Variants in L3MBTL4 observed in about 807,000 individuals in gnomAD.
L3MBTL4 encodes lethal(3)malignant brain tumor-like protein 4.
Under a neutral mutation model 84.5 loss-of-function variants are expected in L3MBTL4, and 70 were observed. That is an observed-to-expected ratio of 0.83 (90% CI 0.68 to 1.01). L3MBTL4 has a LOEUF of 1.01. Among genes scored for constraint, L3MBTL4 ranks in the 50% least tolerant of loss-of-function variants. The pLI, the probability that L3MBTL4 is intolerant of heterozygous loss-of-function variation, is 0.00. For missense variants in L3MBTL4, 715 were observed against 754.8 expected, an observed-to-expected ratio of 0.95 and a Z score of 0.62; for synonymous variants, 274 against 259.8, an observed-to-expected ratio of 1.05 and a Z score of -0.52.
intron 16 of L3MBTL4, among the ~76,000 whole-genome samples, chr18:6,045,022 TC>T (rs2056554795): frequency 6.6e-6 from 1 of 152,206 alleles, no homozygotes; most frequent in African/African-American, 2.4e-5. Context: ...AAGCCTTGCA[TC>T]CTTTTTTCCT....
Position 6,000,251 on chromosome 18 carries a change from A to G in L3MBTL4, c.1445-30689T>C, listed in dbSNP as rs74741386. Among the ~76,000 whole-genome samples, 80 of 152,340 alleles carry G rather than the reference A, an allele frequency of 5.3e-4. No homozygotes were observed. In the East Asian group the frequency reaches 0.014, roughly 26 times the overall value. The stretch of plus-strand genomic sequence containing the variant: ...GATGAAAGAGTGATCAGACATTCTG[A>G]CATGTTTGGAAACACAAAATAAAGC... On this transcript the variant is annotated intron_variant, in intron 16 of 18. Transcript: ENST00000317931.
chr18:6,020,453 A>T (rs1785237), intron 16 of L3MBTL4, among the ~76,000 whole-genome samples: 120,736 of 152,090 alleles, frequency 0.79, 48,268 homozygotes, highest in Admixed American at 0.85. Context: ...ATTCTGAGGC[A>T]GCTGGAGAGG....
intron 16 of L3MBTL4, among the ~76,000 whole-genome samples, chr18:6,053,044 C>A (rs1465880211): frequency 1.3e-5 from 2 of 152,328 alleles, no homozygotes; most frequent in East Asian, 3.9e-4. Context: ...TGATTATCAA[C>A]CAGTCCTTGT....
chr18:6,039,021 C>G (rs1446517846), intron 16 of L3MBTL4, among the ~76,000 whole-genome samples: 1 of 151,944 alleles, frequency 6.6e-6, no homozygotes, highest in Admixed American at 6.6e-5. Context: ...CCCCCAACCT[C>G]CCTTCCTCCC....
At chr18:6,003,072 AGAGATAC>A (rs2054293235) in intron 16 of L3MBTL4, among the ~76,000 whole-genome samples, 1 of 110,486 alleles carries the variant, frequency 9.1e-6, no homozygotes, top group Non-Finnish European at 1.8e-5. Context: ...CTCTATTTAT[AGAGATAC>A]TATATAAAAT....
At chr18:6,099,584 A>AT (rs1412679104) in intron 14 of L3MBTL4, among the ~76,000 whole-genome samples, 6 of 53,114 alleles carry the variant, frequency 1.1e-4, no homozygotes, top group East Asian at 5.2e-4. Flanking sequence ...TAGATAATGT[A>AT]AATATATATA....
intron 16 of L3MBTL4, among the ~76,000 whole-genome samples, chr18:6,048,231 A>C (rs974118913): frequency 6.6e-6 from 1 of 152,212 alleles, no homozygotes; most frequent in Admixed American, 6.5e-5. Flanking sequence ...AGGAAATCAT[A>C]CATGATATAA....
rs2045322510 is a variant in L3MBTL4, at chr18:6,195,252, AC to A, written c.981+17896del. On this transcript the variant is annotated intron_variant, in intron 12 of 18. Transcript: ENST00000317931. ...CAGTAACCAGGGTCTGTCCTGGCAAACCTACATGAGCCATGTTCTGGAGGAG... is the reference window on the plus strand; with the variant it reads ...CAGTAACCAGGGTCTGTCCTGGCAAACTACATGAGCCATGTTCTGGAGGAG... Among the ~76,000 whole-genome samples the A allele has an allele frequency of 3.3e-5, 5 of 152,130 alleles. No individual in the cohort carries two copies. The South Asian group carries it at 1.0e-3, about 32-fold the overall frequency.
At chr18:6,107,784 T>C (rs573481957) in intron 14 of L3MBTL4, among the ~76,000 whole-genome samples, 1 of 152,302 alleles carries the variant, frequency 6.6e-6, no homozygotes, top group East Asian at 1.9e-4. Flanking sequence ...AGCAGATGCC[T>C]GTGGCTGAAG....
At chr18:6,016,075 G>A (rs2054963735) in intron 16 of L3MBTL4, among the ~76,000 whole-genome samples, 1 of 152,228 alleles carries the variant, frequency 6.6e-6, no homozygotes, top group Non-Finnish European at 1.5e-5. Flanking sequence ...CTCCACTACA[G>A]GACAGGGCAT....
intron 14 of L3MBTL4, among the ~76,000 whole-genome samples, chr18:6,135,976 A>G (rs77969399): frequency 6.6e-6 from 1 of 152,202 alleles, no homozygotes; most frequent in African/African-American, 2.4e-5. Context: ...ACAGTTCCAC[A>G]TGGCTGGGGA....
intron 16 of L3MBTL4, among the ~76,000 whole-genome samples, chr18:6,014,209 T>A (rs2054859673): frequency 6.6e-6 from 1 of 152,228 alleles, no homozygotes; most frequent in African/African-American, 2.4e-5. Context: ...ACAAACATAA[T>A]GCATCCTTAA....
intron 13 of L3MBTL4, among the ~76,000 whole-genome samples, chr18:6,151,038 G>A (rs1347191367): frequency 1.3e-5 from 2 of 152,126 alleles, no homozygotes; most frequent in African/African-American, 2.4e-5. Context: ...GACACAGCAG[G>A]ACCAGGAGAG....
At chr18:6,316,137 A>G (rs1317110053) in intron 1 of L3MBTL4, among the ~76,000 whole-genome samples, 1 of 151,110 alleles carries the variant, frequency 6.6e-6, no homozygotes, top group Admixed American at 6.6e-5. Context: ...CACGGAGTCC[A>G]TGCCACTCCC....
In L3MBTL4 at chr18:6,361,020, TAA is replaced by T. The variant is rs34239414; in HGVS notation, c.-90-48966_-90-48965del. Among the ~76,000 whole-genome samples the T allele has an allele frequency of 1.1e-3, 120 of 109,970 alleles. 2 individuals are homozygous for T. In the South Asian group the frequency reaches 0.017, roughly 16 times the overall value. 72.1% of individuals were successfully genotyped at this position (109,970 alleles called of 152,430 possible). On this transcript the variant is annotated intron_variant, in intron 1 of 18. Coordinates refer to ENST00000317931, the MANE Select transcript of L3MBTL4 (RefSeq NM_001330559.2). ...GCAAGAGAATAAGACTCTACCTGAT[TAA>T]AAAAAAAAAAAAAAAAGATACTGGG...
chr18:6,289,221 C>T (rs1013862216), intron 4 of L3MBTL4, among the ~76,000 whole-genome samples: 1 of 151,988 alleles, frequency 6.6e-6, no homozygotes, highest in African/African-American at 2.4e-5. Context: ...TTATGTGTGA[C>T]TGGGTTTAAA....
chr18:6,341,092 G>C (rs553188418), intron 1 of L3MBTL4, among the ~76,000 whole-genome samples: 3 of 152,122 alleles, frequency 2.0e-5, no homozygotes, highest in Admixed American at 1.3e-4. Flanking sequence ...TCTCACTAAC[G>C]AAGCTCTCAC....
chr18:6,197,611 T>A (rs1036003544), intron 12 of L3MBTL4, among the ~76,000 whole-genome samples: 1 of 152,246 alleles, frequency 6.6e-6, no homozygotes, highest in Admixed American at 6.5e-5. Flanking sequence ...TAATTTGTAT[T>A]CCTTTGGGTA....
chr18:6,253,293 A>T (rs149957128), intron 5 of L3MBTL4, among the ~76,000 whole-genome samples: 4 of 152,364 alleles, frequency 2.6e-5, no homozygotes, highest in Non-Finnish European at 5.9e-5. Flanking sequence ...AGTTGTTCAC[A>T]AATTGCTCTG....
Sources: gnomAD v4.1 joint callset for allele counts (sites outside exome capture counted in the v4.1 genomes callset) on GRCh38, gnomAD v4.1.1 for gene constraint, MANE v1.5 for transcripts, NCBI Gene and HGNC (gene_info 2026-07-23, HGNC 2026-07-21) for gene names.